The following SCAMP5 variants were observed in gnomAD, a reference collection of about 807,000 sequenced individuals.
The protein encoded by SCAMP5 is secretory carrier membrane protein 5.
A neutral mutation model predicts 28.3 loss-of-function variants in SCAMP5; 7 were observed. The observed-to-expected ratio is 0.25, with a 90% CI of 0.14 to 0.46. The LOEUF (loss-of-function observed/expected upper bound fraction) is 0.46. Among genes scored for constraint, SCAMP5 ranks in the 20% least tolerant of loss-of-function variants. The probability of loss-of-function intolerance (pLI) is 0.99; values close to 1 mark genes in which losing one functional copy is unlikely to be tolerated. For missense variants in SCAMP5, 192 were observed against 312.5 expected (o/e 0.61, Z 2.91); for synonymous variants, 117 against 116.4 (o/e 1.00, Z -0.03).
intron 1 of SCAMP5, among the ~76,000 whole-genome samples, chr15:75,006,873 C>T (rs777598795): frequency 3.3e-5 from 5 of 152,058 alleles, no homozygotes; most frequent in Admixed American, 2.0e-4. Context: ...ACCCAGGAGG[C>T]GGAGGTTGCA....
chr15:75,012,272 A>T lies in SCAMP5; in HGVS notation c.8-405A>T, dbSNP rs182324445. On this transcript the variant is annotated intron_variant, in intron 2 of 6. Transcript: ENST00000425597. The stretch of plus-strand genomic sequence containing the variant: ...AGCCCCCACTCCAGCAAATAAACTG[A>T]GGTCTAGAGAGGGGCGATGATTTGC... Among the ~76,000 whole-genome samples the T allele has an allele frequency of 5.4e-3, 823 of 152,282 alleles. 6 individuals carry two copies. Among genetic ancestry groups the T allele is most frequent in the African/African-American group, 0.019 (791 of 41,554 alleles).
In SCAMP5 at chr15:75,015,824, G is replaced by A. The variant is rs2065854158; in HGVS notation, c.137-769G>A. 2.0e-5 allele frequency among the ~76,000 whole-genome samples: 3 copies of A among 151,010 alleles called. No homozygotes were observed. In the South Asian group the frequency reaches 6.3e-4, roughly 32 times the overall value. ...ACCTGTAATCCCAGCTACTCAGGAG[G>A]CTGAAGCAGGAGAATCGCTTGAACC... On this transcript the variant is annotated intron_variant, in intron 3 of 6. Transcript: ENST00000425597.
At chr15:75,014,552 A>G (rs1197392407) in intron 3 of SCAMP5, among the ~76,000 whole-genome samples, 1 of 152,202 alleles carries the variant, frequency 6.6e-6, no homozygotes, top group African/African-American at 2.4e-5. Flanking sequence ...AGTCTTCCTC[A>G]TGGGGTCCCC....
chr15:75,009,029 G>C (rs1191159543), intron 1 of SCAMP5, among the ~76,000 whole-genome samples: 1 of 152,072 alleles, frequency 6.6e-6, no homozygotes, highest in Non-Finnish European at 1.5e-5. Context: ...AATATGAAAA[G>C]TATAACATAC....
chr15:75,005,642 A>G (rs2065750036), intron 1 of SCAMP5, among the ~76,000 whole-genome samples: 1 of 152,158 alleles, frequency 6.6e-6, no homozygotes, highest in Non-Finnish European at 1.5e-5. Flanking sequence ...TTATTTTCAG[A>G]TTAAACCTTT....
At chr15:74,999,417 T>C (rs1338224732) in intron 1 of SCAMP5, among the ~76,000 whole-genome samples, 1 of 151,742 alleles carries the variant, frequency 6.6e-6, no homozygotes, top group African/African-American at 2.4e-5. Flanking sequence ...TTCTATTCCA[T>C]GGGAGGAGTA....
At chr15:75,003,752 G>A (rs1216937267) in intron 1 of SCAMP5, among the ~76,000 whole-genome samples, 2 of 152,166 alleles carry the variant, frequency 1.3e-5, no homozygotes, top group Admixed American at 6.5e-5. Flanking sequence ...CGAGGCTGCA[G>A]TGAGCTATGA....
intron 1 of SCAMP5, among the ~76,000 whole-genome samples, chr15:75,003,974 C>T (rs61205963): frequency 0.021 from 3,156 of 151,826 alleles, 99 homozygotes; most frequent in African/African-American, 0.072. Context: ...GCGTGATCTC[C>T]GCTCACCGCA....
intron 1 of SCAMP5, among the ~76,000 whole-genome samples, chr15:74,998,036 C>T (rs8030089): frequency 0.32 from 48,393 of 151,986 alleles, 9,048 homozygotes; most frequent in East Asian, 0.61. Flanking sequence ...GAGTTAGCCC[C>T]AGGACTCTGG....
Position 75,019,109 on chromosome 15 carries a change from G to T in SCAMP5, c.*126G>T. ...TTCTCCTTCCCTACTTTGTACAAAG[G>T]ACCAGAGTTATATATATATATATAT... is the stretch of plus-strand genomic sequence containing the variant. On this transcript the variant is annotated 3_prime_UTR_variant, in exon 7 of 7. Coordinates refer to ENST00000425597, the MANE Select transcript of SCAMP5 (RefSeq NM_138967.4). 1 of 561,426 alleles carries T rather than the reference G, an allele frequency of 1.8e-6. No homozygotes were observed. Among genetic ancestry groups the T allele is most frequent in the Non-Finnish European group, 3.1e-6 (1 of 326,394 alleles). 34.8% of individuals were successfully genotyped at this position (561,426 alleles called of 1,614,324 possible).
At position 75,017,972 on chromosome 15, in the gene SCAMP5, G is replaced by A; in HGVS notation, c.395+1G>A. 6.2e-7 allele frequency: 1 copy of A among 1,601,718 alleles called. No individual in the cohort carries two copies. The highest frequency in any genetic ancestry group is 8.6e-7 in the Non-Finnish European group (1 of 1,168,978). ...TGGGCATCCCAGGCTGGGGCGTCTG[G>A]TAAGAGGCAGGGGTGTGGCCTGGGG... On this transcript the variant is annotated splice_donor_variant, in intron 5 of 6. Transcript: ENST00000425597. LOFTEE classifies it high-confidence loss of function.
chr15:75,018,314 G>T lies in SCAMP5; in HGVS notation c.396-104G>T. The T allele has an allele frequency of 1.3e-6, 1 of 787,970 alleles. No individual in the cohort carries two copies. The highest frequency in any genetic ancestry group is 1.4e-5 in the South Asian group (1 of 73,884). The allele number at this position is 787,970 out of a possible 1,614,324, so 48.8% of individuals were successfully genotyped here. A position where few individuals can be genotyped will look rare whatever the true frequency, so the allele number is the denominator to read the frequency against. On this transcript the variant is annotated intron_variant, in intron 5 of 6. Transcript: ENST00000425597. This position sits in a 1 kb window ranked among gnomAD's most constrained non-coding sequence, Gnocchi z 5.6. ...GTAAGATGGTCCCTCTGCATCCAGT[G>T]ATATGTTTCCTCCCTGTGGCAATGA...
chr15:75,013,160 G>A (rs1016209089), intron 3 of SCAMP5: 1 of 220,692 alleles, frequency 4.5e-6, no homozygotes, highest in African/African-American at 2.3e-5. Context: ...GGAACCTCTG[G>A]GGACTGTCAG....
At chr15:74,999,719 T>C (rs542741636) in intron 1 of SCAMP5, among the ~76,000 whole-genome samples, 85 of 152,058 alleles carry the variant, frequency 5.6e-4, no homozygotes, top group African/African-American at 2.0e-3. Flanking sequence ...GGGGAATTGC[T>C]TGAACCCAGG....
At chr15:75,016,513 G>C in intron 3 of SCAMP5, 80 bp from the exon 4 acceptor site, 1 of 1,335,118 alleles carries the variant, frequency 7.5e-7, no homozygotes, top group Non-Finnish European at 1.0e-6. Flanking sequence ...GTGTGTGTGT[G>C]CCCATGTCCG....
intron 3 of SCAMP5, chr15:75,013,090 C>G: frequency 4.5e-6 from 2 of 441,046 alleles, no homozygotes; most frequent in Non-Finnish European, 8.2e-6. Flanking sequence ...GGGTCCCTCT[C>G]TGCAGTGTAA....
At position 75,017,945 on chromosome 15, in the gene SCAMP5, C is replaced by T. The variant is rs16973530; in HGVS notation, c.369C>T (p.Ala123=). The part of the protein sequence containing the change: ...MAQLVISIIQ[A]VGIPGWGVCG... ...AGTTGGTCATCAGCATCATCCAGGCCGTGGGCATCCCAGGCTGGGGCGTCT... is the reference window on the plus strand; with the variant it reads ...AGTTGGTCATCAGCATCATCCAGGCTGTGGGCATCCCAGGCTGGGGCGTCT... Residue 123 remains alanine, a synonymous_variant, in exon 5 of 7, where the codon GCC becomes GCT. Coordinates refer to ENST00000425597, the MANE Select transcript of SCAMP5 (RefSeq NM_138967.4). 0.012 allele frequency: 18,720 copies of T among 1,613,308 alleles called. 939 individuals carry two copies. In the African/African-American group the frequency reaches 0.15, roughly 13 times the overall value.
chr15:75,006,944 GA>G (rs1057379741), intron 1 of SCAMP5, among the ~76,000 whole-genome samples: 1 of 151,754 alleles, frequency 6.6e-6, no homozygotes, highest in African/African-American at 2.4e-5. Context: ...TCTGTCTCAA[GA>G]AAAAAAAGAG....
chr15:75,010,553 C>T (rs1460168770), intron 1 of SCAMP5, among the ~76,000 whole-genome samples: 1 of 152,188 alleles, frequency 6.6e-6, no homozygotes, highest in East Asian at 1.9e-4. Context: ...TGGCTCATGC[C>T]TATAATCCCA....
Sources: gnomAD v4.1 joint callset for allele counts (sites outside exome capture counted in the v4.1 genomes callset) on GRCh38, gnomAD v4.1.1 for gene constraint, Gnocchi (gnomAD v3.1) non-coding constraint, MANE v1.5 for transcripts, NCBI Gene and HGNC (gene_info 2026-07-23, HGNC 2026-07-21) for gene names.